Variants in PIK3C2G observed in about 807,000 individuals in gnomAD.
PIK3C2G encodes phosphatidylinositol-4-phosphate 3-kinase catalytic subunit type 2 gamma.
A neutral mutation model predicts 181.1 loss-of-function variants in PIK3C2G; 168 were observed. The ratio of observed to expected loss-of-function variants is 0.93; its 90% CI spans 0.82 to 1.05. The LOEUF is 1.05. Among genes scored for constraint, PIK3C2G ranks in the 50% least tolerant of loss-of-function variants. The probability of loss-of-function intolerance (pLI) is 0.00; values close to 1 mark genes in which losing one functional copy is unlikely to be tolerated. For synonymous variants in PIK3C2G, 573 were observed against 592.2 expected, an observed-to-expected ratio of 0.97 and a Z score of 0.47; for missense variants, 1,869 against 1,732.8, an observed-to-expected ratio of 1.08 and a Z score of -1.40.
chr12:18,333,536 G>A (rs1938201225), intron 8 of PIK3C2G, among the ~76,000 whole-genome samples: 1 of 152,064 alleles, frequency 6.6e-6, no homozygotes, highest in Non-Finnish European at 1.5e-5. Flanking sequence ...AACATGCGGT[G>A]TTAGGTTTTC....
chr12:18,666,459 G>A, the PIK3C2G span, among the ~76,000 whole-genome samples: 1 of 151,998 alleles, frequency 6.6e-6, no homozygotes, highest in Non-Finnish European at 1.5e-5. Context: ...GGACTTCAAG[G>A]TGATTGTTGC....
At chr12:18,345,688 T>G (rs1939603892) in intron 10 of PIK3C2G, among the ~76,000 whole-genome samples, 1 of 152,172 alleles carries the variant, frequency 6.6e-6, no homozygotes, top group Non-Finnish European at 1.5e-5. Context: ...CTTTTTTAAC[T>G]TATAAAGTGT....
chr12:18,594,467 A>T, intron 29 of PIK3C2G, 27 bp from the exon 30 acceptor site: 1 of 1,398,826 alleles, frequency 7.1e-7, no homozygotes. Flanking sequence ...GAAATAAAGA[A>T]ATATTATGTT....
the PIK3C2G span, chr12:18,705,392 T>C: frequency 1.9e-6 from 3 of 1,540,724 alleles, no homozygotes; most frequent in Middle Eastern, 3.5e-4. Flanking sequence ...AAGTGCTTAA[T>C]GTATTTTAAA....
In PIK3C2G at chr12:18,609,716, T is replaced by C. The variant is rs555550839; in HGVS notation, c.4182+87T>C. On this transcript the variant is annotated intron_variant, in intron 31 of 32. Transcript: ENST00000538779. ...TTGGGCAATTAGTGTCAACATTAGC[T>C]AGAAGAATGGGTATCTCCGCCAAGT... 62 of 738,184 alleles carry C rather than the reference T, an allele frequency of 8.4e-5. No homozygotes were observed. The African/African-American group carries it at 8.8e-4, about 11-fold the overall frequency. 45.7% of individuals were successfully genotyped at this position (738,184 alleles called of 1,614,324 possible). A position where few individuals can be genotyped will look rare whatever the true frequency, so the allele number is the denominator to read the frequency against.
intron 18 of PIK3C2G, among the ~76,000 whole-genome samples, chr12:18,478,603 G>A: frequency 6.6e-6 from 1 of 152,180 alleles, no homozygotes; most frequent in East Asian, 1.9e-4. Flanking sequence ...TGCATCATCA[G>A]AATAGATCCC....
At chr12:18,440,296 A>G (rs182855587) in intron 18 of PIK3C2G, among the ~76,000 whole-genome samples, 3 of 152,184 alleles carry the variant, frequency 2.0e-5, no homozygotes, top group Admixed American at 2.0e-4. Context: ...ACCTTCCATG[A>G]GTTAAGCCAC....
chr12:18,265,061 A>G (rs1948424376), intron 1 of PIK3C2G, among the ~76,000 whole-genome samples: 1 of 152,288 alleles, frequency 6.6e-6, no homozygotes, highest in South Asian at 2.1e-4. Context: ...CAGCTTGATT[A>G]TTTCATGGTT....
intron 24 of PIK3C2G, 103 bp downstream of exon 24, chr12:18,505,564 C>T: frequency 1.5e-6 from 1 of 677,976 alleles, no homozygotes; most frequent in African/African-American, 1.8e-5. Flanking sequence ...TCCCATCTCT[C>T]AAATCCCCCC....
intron 29 of PIK3C2G, among the ~76,000 whole-genome samples, chr12:18,583,329 A>C (rs1018123071): frequency 1.2e-4 from 19 of 152,182 alleles, no homozygotes; most frequent in Admixed American, 1.2e-3. Context: ...GACCCCCAGC[A>C]TACTGCAGCC....
chr12:18,377,951 G>A (rs763066428), intron 13 of PIK3C2G, among the ~76,000 whole-genome samples: 3 of 152,078 alleles, frequency 2.0e-5, no homozygotes, highest in Non-Finnish European at 4.4e-5. Flanking sequence ...CCACCTCTCG[G>A]GTTTAAGTGA....
intron 1 of PIK3C2G, among the ~76,000 whole-genome samples, chr12:18,278,057 T>C (rs752194907): frequency 2.0e-5 from 3 of 152,190 alleles, no homozygotes; most frequent in Non-Finnish European, 2.9e-5. Flanking sequence ...AGTCTCTGAT[T>C]TTCCAGTTAA....
intron 18 of PIK3C2G, among the ~76,000 whole-genome samples, chr12:18,463,522 A>C (rs1307996533): frequency 6.6e-6 from 1 of 152,330 alleles, no homozygotes; most frequent in South Asian, 2.1e-4. Context: ...AAGAGGAATA[A>C]TACTTCCTAA....
chr12:18,523,548 C>T (rs543348371), intron 24 of PIK3C2G, among the ~76,000 whole-genome samples: 1 of 152,326 alleles, frequency 6.6e-6, no homozygotes, highest in South Asian at 2.1e-4. Flanking sequence ...GGGAAGACAA[C>T]AAGAGCATTG....
chr12:18,414,379 C>A (rs1264893052), intron 16 of PIK3C2G, among the ~76,000 whole-genome samples: 1 of 152,044 alleles, frequency 6.6e-6, no homozygotes, highest in Admixed American at 6.6e-5. Flanking sequence ...ATCTATGACA[C>A]CTCCATTCAG....
At chr12:18,424,809 A>G (rs73068508) in intron 18 of PIK3C2G, 21,828 of 209,860 alleles carry the variant, frequency 0.1, 1,720 homozygotes, top group Admixed American at 0.28. Flanking sequence ...CAGGCTGGGT[A>G]TATGACTGGA....
rs2136792089 is a variant in PIK3C2G at position 18,640,293 on chromosome 12, T to C, written c.4183-136T>C. The C allele has an allele frequency of 4.5e-6, 3 of 671,554 alleles. No individual in the cohort carries two copies. The East Asian group carries it at 9.0e-5, about 20-fold the overall frequency. The allele number at this position is 671,554 out of a possible 1,614,324, so 41.6% of individuals were successfully genotyped here. On this transcript the variant is annotated intron_variant, in intron 31 of 32. Transcript: ENST00000538779. ...TTGAGCATGGATGAATTTCTTTTGA[T>C]TTTCTCTTATTTTCACATCAACAAA...
At chr12:18,441,757 C>T (rs1946758256) in intron 18 of PIK3C2G, among the ~76,000 whole-genome samples, 1 of 152,048 alleles carries the variant, frequency 6.6e-6, no homozygotes, top group South Asian at 2.1e-4. Context: ...AATGAGACAA[C>T]AAAGGACAAA....
rs11285609 is a variant in PIK3C2G, at chr12:18,641,743, C to CTTTTTTTTTTTTTTTTTT, written c.4308+1192_4308+1209dup. 4.6e-4 allele frequency among the ~76,000 whole-genome samples: 43 copies of CTTTTTTTTTTTTTTTTTT among 93,176 alleles called. 4 individuals are homozygous for CTTTTTTTTTTTTTTTTTT. The highest frequency in any genetic ancestry group is 1.7e-3 in the African/African-American group (34 of 20,344). The allele number at this position is 93,176 out of a possible 152,430, so 61.1% of individuals were successfully genotyped here. ...AAAACCCTGGCTTCTCTCTCTCAAG[C>CTTTTTTTTTTTTTTTTTT]TTTTTTTTTTTTTTTTTTTTGAGAT... On this transcript the variant is annotated intron_variant, in intron 32 of 32. Transcript: ENST00000538779.
Sources: gnomAD v4.1 joint callset for allele counts (sites outside exome capture counted in the v4.1 genomes callset) on GRCh38, gnomAD v4.1.1 for gene constraint, MANE v1.5 for transcripts, NCBI Gene and HGNC (gene_info 2026-07-23, HGNC 2026-07-21) for gene names.